Variants in NDUFAF6 observed in about 807,000 individuals in gnomAD.
NDUFAF6 encodes NADH:ubiquinone oxidoreductase complex assembly factor 6.
NDUFAF6 carries 45 observed loss-of-function variants against 40.8 expected under a neutral mutation model. That is an observed-to-expected ratio of 1.10 (90% CI 0.87 to 1.42). The LOEUF is 1.42. NDUFAF6 is among the 40% of genes most tolerant of loss of function. The pLI, the probability that NDUFAF6 is intolerant of heterozygous loss-of-function variation, is 0.00. For missense variants in NDUFAF6, 435 were observed against 418.5 expected, an observed-to-expected ratio of 1.04 and a Z score of -0.34; for synonymous variants, 185 against 155.9, an observed-to-expected ratio of 1.19 and a Z score of -1.39.
At chr8:94,900,219 G>A (rs1461236625) in intron 1 of NDUFAF6, among the ~76,000 whole-genome samples, 2 of 151,422 alleles carry the variant, frequency 1.3e-5, no homozygotes, top group South Asian at 2.1e-4. Context: ...CTGGTGGACC[G>A]CAACCCTCTT....
At chr8:95,076,201 G>C (rs1833014017), downstream of NDUFAF6, 1 of 153,208 alleles carries the variant, frequency 6.5e-6, no homozygotes, top group Admixed American at 6.5e-5. Context: ...TCTCTAGGCA[G>C]AAGCTCTCCA....
In NDUFAF6 at chr8:95,069,775, C is replaced by T. The variant is rs557761287; in HGVS notation, c.*512-5858C>T. On this transcript the variant is annotated intron_variant and NMD_transcript_variant, in intron 9 of 9. Transcript: ENST00000520757. ...AGCCTGGGTGACAAGAGTGAGACTC[C>T]GCGTCAAAAAAAAAAAAAATTATAT... Among the ~76,000 whole-genome samples the T allele has an allele frequency of 8.4e-4, 113 of 134,018 alleles. 1 individual carries two copies. Among genetic ancestry groups the T allele is most frequent in the African/African-American group, 2.9e-3 (102 of 35,070 alleles). 87.9% of individuals were successfully genotyped at this position (134,018 alleles called of 152,430 possible).
intron 7 of NDUFAF6, among the ~76,000 whole-genome samples, chr8:95,049,568 C>G (rs1158979503): frequency 1.3e-5 from 2 of 152,028 alleles, no homozygotes; most frequent in Non-Finnish European, 2.9e-5. Context: ...TCTTGTGAAC[C>G]TTTTCTTTTT....
At chr8:95,038,729 G>A (rs1469464104) in intron 3 of NDUFAF6, among the ~76,000 whole-genome samples, 1 of 152,024 alleles carries the variant, frequency 6.6e-6, no homozygotes, top group Non-Finnish European at 1.5e-5. Flanking sequence ...CCAAACTGGA[G>A]TGCAGTGGTG....
At chr8:95,086,716 C>G (rs537749569) in intron 2 of NDUFAF6, among the ~76,000 whole-genome samples, 16 of 152,088 alleles carry the variant, frequency 1.1e-4, no homozygotes, top group Admixed American at 2.6e-4. Context: ...ATTCTCCTGC[C>G]TCAGTCTCCC....
intron 9 of NDUFAF6, among the ~76,000 whole-genome samples, chr8:95,073,915 A>G (rs761841075): frequency 6.6e-6 from 1 of 152,190 alleles, no homozygotes; most frequent in Non-Finnish European, 1.5e-5. Context: ...CTTTAGTGGA[A>G]ATTTGAACCT....
chr8:95,045,715 A>G, intron 5 of NDUFAF6, 68 bp downstream of exon 5: 4 of 1,336,508 alleles, frequency 3.0e-6, no homozygotes, highest in Non-Finnish European at 4.3e-6. Flanking sequence ...ACTTTTTCAT[A>G]ATTTGGTAAT....
downstream of NDUFAF6, among the ~76,000 whole-genome samples, chr8:95,062,257 C>T (rs146422706): frequency 9.9e-3 from 1,503 of 152,206 alleles, 17 homozygotes; most frequent in Non-Finnish European, 0.012. Flanking sequence ...GCAAGTTACC[C>T]CAAACCTCTG....
rs183635447 is a variant in NDUFAF6 at position 95,069,758 on chromosome 8, T to C, written c.*512-5875T>C. Among the ~76,000 whole-genome samples the C allele has an allele frequency of 5.2e-3, 758 of 146,052 alleles. 13 individuals carry two copies. Among genetic ancestry groups the C allele is most frequent in the African/African-American group, 0.018 (715 of 39,000 alleles). ...CCATGCCATTGCACTCCAGCCTGGG[T>C]GACAAGAGTGAGACTCCGCGTCAAA... On this transcript the variant is annotated intron_variant and NMD_transcript_variant, in intron 9 of 9. Transcript: ENST00000520757.
intron 1 of NDUFAF6, among the ~76,000 whole-genome samples, chr8:94,916,816 CAAA>C (rs549687775): frequency 5.2e-5 from 5 of 96,664 alleles, no homozygotes; most frequent in Admixed American, 1.2e-4. Context: ...GACTCCATAT[CAAA>C]AAAAAAAAAA....
chr8:94,935,166 TA>T (rs1430418312), intron 1 of NDUFAF6, among the ~76,000 whole-genome samples: 38 of 151,422 alleles, frequency 2.5e-4, no homozygotes, highest in African/African-American at 9.0e-4. Context: ...GATAGATAGA[TA>T]GATAGATATA....
chr8:94,926,071 C>T (rs1259278514), intron 1 of NDUFAF6: 1 of 152,588 alleles, frequency 6.6e-6, no homozygotes, highest in African/African-American at 2.4e-5. Context: ...GGTGTTAACA[C>T]ACAATGTTTA....
chr8:94,973,043 C>T (rs1824606208), intron 1 of NDUFAF6, among the ~76,000 whole-genome samples: 1 of 152,184 alleles, frequency 6.6e-6, no homozygotes, highest in African/African-American at 2.4e-5. Context: ...CTTCACTTCA[C>T]TACAGCCTGG....
intron 4 of NDUFAF6, among the ~76,000 whole-genome samples, chr8:95,114,696 A>G (rs1449066622): frequency 6.6e-6 from 1 of 152,224 alleles, no homozygotes; most frequent in Non-Finnish European, 1.5e-5. Flanking sequence ...TATACAGGTG[A>G]TAATTATGTT....
intron 1 of NDUFAF6, among the ~76,000 whole-genome samples, chr8:94,932,782 G>A (rs182678979): frequency 2.9e-4 from 44 of 151,688 alleles, no homozygotes; most frequent in East Asian, 1.4e-3. Flanking sequence ...CAGCCTGGGC[G>A]AAGGAGCGAG....
At chr8:95,059,420 AAT>A (rs1173764383), downstream of NDUFAF6, among the ~76,000 whole-genome samples, 1 of 152,180 alleles carries the variant, frequency 6.6e-6, no homozygotes, top group African/African-American at 2.4e-5. Flanking sequence ...GAGATTAATA[AAT>A]ATATAGTTGA....
At chr8:95,002,691 C>G (rs1563782431) in intron 2 of NDUFAF6, among the ~76,000 whole-genome samples, 2 of 152,112 alleles carry the variant, frequency 1.3e-5, no homozygotes, top group African/African-American at 4.8e-5. Context: ...ACCTGTTATG[C>G]TAGGTGCTGG....
At chr8:94,981,565 C>T (rs1047556041) in intron 2 of NDUFAF6, among the ~76,000 whole-genome samples, 3 of 152,122 alleles carry the variant, frequency 2.0e-5, no homozygotes, top group African/African-American at 7.2e-5. Flanking sequence ...TTTTGAGCCC[C>T]AATTTGGCCA....
chr8:94,991,583 C>T (rs1826193795), intron 2 of NDUFAF6, among the ~76,000 whole-genome samples: 2 of 152,162 alleles, frequency 1.3e-5, no homozygotes, highest in Non-Finnish European at 1.5e-5. Flanking sequence ...TAATCCCATA[C>T]CTGTCCCTAT....
Sources: allele counts gnomAD v4.1 joint callset (sites outside exome capture counted in the v4.1 genomes callset), GRCh38; gene constraint gnomAD v4.1.1; transcripts MANE v1.5; gene names NCBI Gene and HGNC (gene_info 2026-07-23, HGNC 2026-07-21).